The following CTSC variants were observed in gnomAD, a reference collection of about 807,000 sequenced individuals.
The protein encoded by CTSC is cathepsin C.
CTSC carries 37 observed loss-of-function variants against 40.9 expected under a neutral mutation model. That is an observed-to-expected ratio of 0.91 (90% CI 0.70 to 1.19). CTSC has a LOEUF of 1.19. CTSC is among the 50% of genes most tolerant of loss of function. The pLI is 0.00. For missense variants in CTSC, 594 were observed against 567.3 expected, an observed-to-expected ratio of 1.05 and a Z score of -0.48; for synonymous variants, 232 against 207.4, an observed-to-expected ratio of 1.12 and a Z score of -1.02.
At chr11:88,302,329 G>GAAA (rs1373785146) in intron 4 of CTSC, among the ~76,000 whole-genome samples, 3 of 152,078 alleles carry the variant, frequency 2.0e-5, no homozygotes, top group South Asian at 2.1e-4. Flanking sequence ...CACAGGTTAA[G>GAAA]AATACATGAC....
chr11:88,298,515 T>C (rs1012327109), intron 5 of CTSC: 1 of 152,248 alleles, frequency 6.6e-6, no homozygotes, highest in Non-Finnish European at 1.5e-5. Context: ...TTCTGAATTC[T>C]GGGTTATACA....
At chr11:88,334,571 A>C (rs1473064326) in intron 2 of CTSC, among the ~76,000 whole-genome samples, 1 of 152,242 alleles carries the variant, frequency 6.6e-6, no homozygotes, top group Non-Finnish European at 1.5e-5. Flanking sequence ...CAAGAAAACA[A>C]AATGTGTAAT....
At chr11:88,295,759 G>A (rs1051797103) in intron 6 of CTSC, among the ~76,000 whole-genome samples, 5 of 152,068 alleles carry the variant, frequency 3.3e-5, no homozygotes, top group East Asian at 1.9e-4. Context: ...TTTTGGAGAC[G>A]ATGATTAGAA....
intron 1 of CTSC, 74 bp from the exon 2 acceptor site, chr11:88,335,156 C>A (rs1467604304): frequency 1.3e-5 from 13 of 1,030,084 alleles, no homozygotes; most frequent in Non-Finnish European, 1.9e-5. Context: ...CCCCCAATTT[C>A]AATTTTAATT....
chr11:88,315,466 G>C (rs1354753643), intron 2 of CTSC, among the ~76,000 whole-genome samples: 1 of 152,166 alleles, frequency 6.6e-6, no homozygotes, highest in Non-Finnish European at 1.5e-5. Flanking sequence ...GAGTTCTATA[G>C]GAAAGGGGTG....
intron 4 of CTSC, among the ~76,000 whole-genome samples, chr11:88,302,851 T>C (rs1445884813): frequency 2.0e-5 from 3 of 152,096 alleles, no homozygotes; most frequent in African/African-American, 7.2e-5. Flanking sequence ...TCATTAACAA[T>C]ATGGAAGACA....
At position 88,335,045 on chromosome 11, in the gene CTSC, C is replaced by A; in HGVS notation, c.210G>T (p.Lys70Asn). ...QEKKVVVYLQ[K>N]LDTAYDDLGN... The stretch of plus-strand genomic sequence containing the variant: ...CAAGGTCATCATATGCTGTATCCAG[C>A]TTCTGAAGGTACACCACTACTTTTT... The change falls in exon 2 of 7, where the codon AAG (lysine) becomes AAT (asparagine). Residue 70 changes from lysine (K) to asparagine (N), a missense_variant. Lys to Asn is a moderately conservative substitution (Grantham distance 94). Coordinates refer to ENST00000227266, the MANE Select transcript of CTSC (RefSeq NM_001814.6). 1 of 1,606,254 alleles carries A rather than the reference C, an allele frequency of 6.2e-7. No individual in the cohort carries two copies. The highest frequency in any genetic ancestry group is 1.1e-5 in the South Asian group (1 of 90,884).
chr11:88,301,311 T>C (rs1369334213), intron 4 of CTSC, among the ~76,000 whole-genome samples: 1 of 152,098 alleles, frequency 6.6e-6, no homozygotes, highest in African/African-American at 2.4e-5. Context: ...CTATACTGAG[T>C]AAATGACTTT....
chr11:88,298,552 G>A (rs1944322854), intron 5 of CTSC: 1 of 152,138 alleles, frequency 6.6e-6, no homozygotes, highest in Non-Finnish European at 1.5e-5. Flanking sequence ...AAAGTTGGTG[G>A]GAATTTTCAA....
At chr11:88,320,894 AATGGTTAGTAAG>A in intron 2 of CTSC, 2 of 890,368 alleles carry the variant, frequency 2.2e-6, no homozygotes, top group Non-Finnish European at 2.7e-6. Flanking sequence ...TAGGGAATCA[AATGGTTAGTAAG>A]ATGGAGTTGA....
chr11:88,303,117 T>G (rs1239875597), intron 4 of CTSC, among the ~76,000 whole-genome samples: 1 of 152,226 alleles, frequency 6.6e-6, no homozygotes, highest in Non-Finnish European at 1.5e-5. Flanking sequence ...TGAGAGAGTA[T>G]GTTGAAGAAG....
chr11:88,329,590 G>A (rs1938293311), intron 2 of CTSC, among the ~76,000 whole-genome samples: 1 of 151,204 alleles, frequency 6.6e-6, no homozygotes, highest in African/African-American at 2.4e-5. Flanking sequence ...CTTTATACAT[G>A]ATCATCATTA....
chr11:88,294,005 C>A lies in CTSC; in HGVS notation c.*1G>T, dbSNP rs1430504162. 6.2e-7 allele frequency: 1 copy of A among 1,613,794 alleles called. No individual in the cohort carries two copies. Among genetic ancestry groups the A allele is most frequent in the Admixed American group, 1.7e-5 (1 of 59,964 alleles). On this transcript the variant is annotated 3_prime_UTR_variant, in exon 7 of 7. Coordinates refer to ENST00000227266, the MANE Select transcript of CTSC (RefSeq NM_001814.6). ...CATTATGAAATACTGGAAGGCATAC[C>A]CTACAATTTAGGAATTGGTGTGGCT...
chr11:88,300,720 T>C (rs1944350682), intron 4 of CTSC, 75 bp from the exon 5 acceptor site: 4 of 948,072 alleles, frequency 4.2e-6, no homozygotes, highest in Non-Finnish European at 6.9e-6. Context: ...TCTACTATAA[T>C]TCTATGATTT....
intron 2 of CTSC, among the ~76,000 whole-genome samples, chr11:88,316,418 G>A (rs1233531680): frequency 1.3e-5 from 2 of 151,980 alleles, no homozygotes; most frequent in South Asian, 2.1e-4. Flanking sequence ...TGAGGTTACA[G>A]TGAGCAATGA....
intron 5 of CTSC, among the ~76,000 whole-genome samples, chr11:88,300,317 T>TA (rs1458282812): frequency 6.6e-6 from 1 of 152,214 alleles, no homozygotes; most frequent in Non-Finnish European, 1.5e-5. Context: ...GAGTACTGAA[T>TA]AAATGCTAAG....
intron 6 of CTSC, among the ~76,000 whole-genome samples, chr11:88,295,783 G>A (rs967403960): frequency 4.6e-5 from 7 of 152,134 alleles, no homozygotes; most frequent in African/African-American, 1.7e-4. Flanking sequence ...AAACTCCAAT[G>A]CTAAAAGCTG....
At chr11:88,322,184 C>T (rs1030311934) in intron 2 of CTSC, 8 of 152,128 alleles carry the variant, frequency 5.3e-5, no homozygotes, top group Admixed American at 4.6e-4. Context: ...AATTTTCTCC[C>T]ATTCTGTTGG....
At chr11:88,333,174 C>T (rs1351140901) in intron 2 of CTSC, among the ~76,000 whole-genome samples, 2 of 152,206 alleles carry the variant, frequency 1.3e-5, no homozygotes. Flanking sequence ...ATATCTATTA[C>T]ATCTCTGGTA....
Sources: allele counts gnomAD v4.1 joint callset (sites outside exome capture counted in the v4.1 genomes callset), GRCh38; gene constraint gnomAD v4.1.1; transcripts MANE v1.5; gene names NCBI Gene and HGNC (gene_info 2026-07-23, HGNC 2026-07-21).